ERBB4: variants seen among roughly 807,000 people sequenced by gnomAD.
ERBB4 encodes the protein erb-b2 receptor tyrosine kinase 4.
In ERBB4, 42 loss-of-function variants were observed where a neutral mutation model predicts 158.0. The ratio of observed to expected loss-of-function variants is 0.27; its 90% CI spans 0.21 to 0.34. ERBB4 has a LOEUF of 0.34. ERBB4 is among the 10% of genes least tolerant of loss of function. The pLI, the probability that ERBB4 is intolerant of heterozygous loss-of-function variation, is 1.00. For synonymous variants in ERBB4, 583 were observed against 558.7 expected (o/e 1.04, Z -0.61); for missense variants, 1,333 against 1,624.1 (o/e 0.82, Z 3.08).
At chr2:212,268,314 T>C (rs13018441) in intron 1 of ERBB4, among the ~76,000 whole-genome samples, 14,771 of 151,830 alleles carry the variant, frequency 0.097, 971 homozygotes, top group South Asian at 0.25. Flanking sequence ...AAAAGTGAGA[T>C]AAAAAATGGA....
In ERBB4 at chr2:211,818,220, A is replaced by C. The variant is rs116089853; in HGVS notation, c.422-30061T>G. Among the ~76,000 whole-genome samples, 1,146 of 152,200 alleles carry C rather than the reference A, an allele frequency of 7.5e-3. 10 individuals carry two copies. Among genetic ancestry groups the C allele is most frequent in the African/African-American group, 0.026 (1,084 of 41,530 alleles). ...AGAGATACTGAAAATCCCTATGTTTAAGTATTAGGAAAAAAATATCTAAAT... is the reference window on the plus strand; with the variant it reads ...AGAGATACTGAAAATCCCTATGTTTCAGTATTAGGAAAAAAATATCTAAAT... On this transcript the variant is annotated intron_variant, in intron 3 of 27. Coordinates refer to ENST00000342788, the MANE Select transcript of ERBB4 (RefSeq NM_005235.3).
intron 1 of ERBB4, among the ~76,000 whole-genome samples, chr2:212,358,895 T>G (rs2089571959): frequency 6.6e-6 from 1 of 151,760 alleles, no homozygotes; most frequent in African/African-American, 2.4e-5. Flanking sequence ...TGAAAAAAGA[T>G]GAATACATTC....
At chr2:212,498,873 G>A (rs1351851878) in intron 1 of ERBB4, among the ~76,000 whole-genome samples, 3 of 151,872 alleles carry the variant, frequency 2.0e-5, no homozygotes, top group African/African-American at 7.2e-5. Flanking sequence ...TAAACTAGCT[G>A]AGCATCAGAA....
chr2:211,465,178 T>C (rs13391276), intron 20 of ERBB4, among the ~76,000 whole-genome samples: 7,817 of 151,884 alleles, frequency 0.051, 442 homozygotes, highest in African/African-American at 0.14. Context: ...GTTCCGTGCT[T>C]TAAATAGGCT....
intron 3 of ERBB4, among the ~76,000 whole-genome samples, chr2:211,854,244 T>C (rs2077793969): frequency 1.3e-5 from 2 of 152,160 alleles, no homozygotes; most frequent in African/African-American, 4.8e-5. Context: ...GAAGGCCTCA[T>C]TATTTGAGCA....
intron 1 of ERBB4, among the ~76,000 whole-genome samples, chr2:212,321,056 A>G (rs2087547762): frequency 6.7e-6 from 1 of 150,334 alleles, no homozygotes. Flanking sequence ...GAGTTTTAAT[A>G]TGAGATAATC....
chr2:211,416,626 T>A (rs528433528), intron 25 of ERBB4, among the ~76,000 whole-genome samples: 28 of 152,314 alleles, frequency 1.8e-4, no homozygotes, highest in Non-Finnish European at 3.5e-4. Flanking sequence ...ATTACTTGTA[T>A]AACAATCAGC....
chr2:212,391,301 A>T (rs754045436), intron 1 of ERBB4, among the ~76,000 whole-genome samples: 7 of 151,762 alleles, frequency 4.6e-5, no homozygotes, highest in Non-Finnish European at 7.4e-5. Flanking sequence ...ACAGAAGTAT[A>T]AATCATTATC....
intron 17 of ERBB4, among the ~76,000 whole-genome samples, chr2:211,627,513 C>T (rs763696503): frequency 2.6e-5 from 4 of 152,154 alleles, no homozygotes; most frequent in Admixed American, 6.5e-5. Flanking sequence ...AAGGTAGTTT[C>T]CAGAAACTTT....
At chr2:212,129,421 C>A (rs2080039973) in intron 1 of ERBB4, among the ~76,000 whole-genome samples, 1 of 150,544 alleles carries the variant, frequency 6.6e-6, no homozygotes, top group Non-Finnish European at 1.5e-5. Context: ...AATATTATAT[C>A]CAATATAATA....
At chr2:212,425,366 GTATACATATATATGAACATATATGTA>G (rs2091887954) in intron 1 of ERBB4, among the ~76,000 whole-genome samples, 2 of 147,450 alleles carry the variant, frequency 1.4e-5, no homozygotes, top group African/African-American at 4.9e-5. Flanking sequence ...ATATGTATAT[GTATACATATATATGAACATATATGTA>G]TATGTATACA....
intron 1 of ERBB4, among the ~76,000 whole-genome samples, chr2:212,478,620 G>A (rs1397664428): frequency 6.6e-6 from 1 of 152,066 alleles, no homozygotes; most frequent in East Asian, 1.9e-4. Context: ...TGTCCTGAAA[G>A]TTCCAGGTCC....
chr2:211,887,651 T>C (rs113990640), intron 3 of ERBB4, among the ~76,000 whole-genome samples: 2 of 152,356 alleles, frequency 1.3e-5, no homozygotes, highest in African/African-American at 4.8e-5. Context: ...AGGTTGTTCA[T>C]ATTCAGGAAC....
At chr2:212,125,498 A>G (rs1322950249) in intron 1 of ERBB4, among the ~76,000 whole-genome samples, 4 of 152,180 alleles carry the variant, frequency 2.6e-5, no homozygotes. Context: ...GGTTATTCAT[A>G]CAGATTATTT....
rs113120306 is a variant in ERBB4 at position 212,254,212 on chromosome 2, A to G, written c.83-129309T>C. ...ATGGCCTCTAACTAAAAACAAATAA[A>G]TACATTTTATAACAATTCCTCAGTC... is the stretch of plus-strand genomic sequence containing the variant. On this transcript the variant is annotated intron_variant, in intron 1 of 27. Coordinates refer to ENST00000342788, the MANE Select transcript of ERBB4 (RefSeq NM_005235.3). Among the ~76,000 whole-genome samples the G allele has an allele frequency of 4.8e-3, 736 of 152,272 alleles. 7 individuals are homozygous for G. The highest frequency in any genetic ancestry group is 0.017 in the Middle Eastern group (5 of 294).
At chr2:211,795,570 T>C (rs1413030819) in intron 3 of ERBB4, among the ~76,000 whole-genome samples, 1 of 148,080 alleles carries the variant, frequency 6.8e-6, no homozygotes, top group Non-Finnish European at 1.5e-5. Flanking sequence ...GGCTATTATA[T>C]AAAAATCCAC....
intron 1 of ERBB4, among the ~76,000 whole-genome samples, chr2:212,231,364 G>C (rs1036243504): frequency 4.6e-5 from 7 of 152,184 alleles, no homozygotes; most frequent in Non-Finnish European, 1.0e-4. Context: ...CTGGACTCCT[G>C]ATGGGCTTAA....
At chr2:211,877,436 A>T (rs115917346) in intron 3 of ERBB4, among the ~76,000 whole-genome samples, 1,720 of 152,332 alleles carry the variant, frequency 0.011, 26 homozygotes, top group African/African-American at 0.039. Context: ...TGAGCCTAAT[A>T]TAAATTGATT....
chr2:211,714,300 C>T (rs548073764), intron 7 of ERBB4, among the ~76,000 whole-genome samples: 34 of 152,266 alleles, frequency 2.2e-4, no homozygotes, highest in African/African-American at 7.9e-4. Context: ...CAAATTATTG[C>T]ACCTAAAGGC....
Sources: gnomAD v4.1 joint callset for allele counts (sites outside exome capture counted in the v4.1 genomes callset) on GRCh38, gnomAD v4.1.1 for gene constraint, MANE v1.5 for transcripts, NCBI Gene and HGNC (gene_info 2026-07-23, HGNC 2026-07-21) for gene names.